Variants in TP63 observed in about 807,000 individuals in gnomAD.
TP63 encodes tumor protein 63.
TP63 carries 17 observed loss-of-function variants against 82.8 expected under a neutral mutation model. The observed-to-expected ratio is 0.21, with a 90% confidence interval of 0.14 to 0.31. The LOEUF is 0.31. TP63 is among the 10% of genes least tolerant of loss of function. The probability of loss-of-function intolerance (pLI) is 1.00; values close to 1 mark genes in which losing one functional copy is unlikely to be tolerated. For missense variants in TP63, 648 were observed against 895.3 expected (o/e 0.72, Z 3.52); for synonymous variants, 330 against 321.7 (o/e 1.03, Z -0.28).
In TP63 at chr3:189,808,388, G is replaced by T. The variant is rs768884299; in HGVS notation, c.441G>T (p.Ser147=). The change falls in exon 4 of 14, where the codon TCG becomes TCT. Residue 147 remains serine (S), a synonymous_variant. Coordinates refer to ENST00000264731, the MANE Select transcript of TP63 (RefSeq NM_003722.5). ...DHAQNSVTAP[S]PYAQPSSTFD... ...CGCAGAACAGCGTCACGGCGCCCTC[G>T]CCCTACGCACAGCCCAGCTCCACCT... is the stretch of plus-strand genomic sequence containing the variant. 2.5e-6 allele frequency: 4 copies of T among 1,614,116 alleles called. No individual in the cohort carries two copies. The highest frequency in any genetic ancestry group is 3.3e-5 in the Admixed American group (2 of 60,016).
At chr3:189,797,474 T>C (rs1329123260) in intron 3 of TP63, among the ~76,000 whole-genome samples, 2 of 152,070 alleles carry the variant, frequency 1.3e-5, no homozygotes, top group Non-Finnish European at 2.9e-5. Flanking sequence ...TTATTCTTTC[T>C]CAGATCACAG....
At chr3:189,750,915 C>T (rs749389148) in intron 3 of TP63, among the ~76,000 whole-genome samples, 2 of 152,062 alleles carry the variant, frequency 1.3e-5, no homozygotes, top group Non-Finnish European at 2.9e-5. Context: ...GTTTGCTGCA[C>T]CCATCAACTA....
chr3:189,669,975 G>A (rs888896972), intron 1 of TP63, among the ~76,000 whole-genome samples: 2 of 151,876 alleles, frequency 1.3e-5, no homozygotes, highest in Admixed American at 6.6e-5. Flanking sequence ...AGTAGAGTTT[G>A]TCCTATTGAA....
In TP63 at chr3:189,866,756, A is replaced by C; in HGVS notation, c.841A>C (p.Thr281Pro). ...TGCCCAGTATGTAGAAGATCCCATCACAGGAAGACAGAGTGTGCTGGTACC... is the reference window on the plus strand; with the variant it reads ...TGCCCAGTATGTAGAAGATCCCATCCCAGGAAGACAGAGTGTGCTGGTACC... ...SHAQYVEDPITGRQSVLVPYE... is the reference protein window; with the variant it reads ...SHAQYVEDPIPGRQSVLVPYE... Residue 281 changes from threonine to proline, a missense_variant, in exon 6 of 14, where the codon ACA becomes CCA. This residue lies in a region of TP63 where 30 missense variants were observed against 26.4 expected (regional missense o/e 1.14). Coordinates refer to ENST00000264731, the MANE Select transcript of TP63 (RefSeq NM_003722.5). 1.2e-6 allele frequency: 2 copies of C among 1,614,128 alleles called. No homozygotes were observed. Among genetic ancestry groups the C allele is most frequent in the Non-Finnish European group, 1.7e-6 (2 of 1,179,994 alleles).
At chr3:189,868,505 G>A in intron 7 of TP63, 75 bp from the exon 8 acceptor site, 1 of 1,588,194 alleles carries the variant, frequency 6.3e-7, no homozygotes. Context: ...ATGGGAAGTG[G>A]AAGTGGTAGA....
chr3:189,626,172 A>G, the TP63 span, among the ~76,000 whole-genome samples: 2 of 152,214 alleles, frequency 1.3e-5, no homozygotes, highest in African/African-American at 2.4e-5. Flanking sequence ...AATCGATGTC[A>G]GACTGTAGCA....
At chr3:189,667,593 A>T (rs1714515094) in intron 1 of TP63, among the ~76,000 whole-genome samples, 1 of 152,090 alleles carries the variant, frequency 6.6e-6, no homozygotes, top group South Asian at 2.1e-4. Context: ...GATAATCTTT[A>T]CAAGCTCAGG....
rs1239172239 is a variant in TP63, at chr3:189,877,278, A to C, written c.1349+4283A>C. ...GATGCCAGAATCTAATAGAAAGACA[A>C]ATCGGACCCTATCTTTAGACTTCTT... is the stretch of plus-strand genomic sequence containing the variant. On this transcript the variant is annotated intron_variant, in intron 10 of 13. Transcript: ENST00000264731. Among the ~76,000 whole-genome samples, 3 of 152,322 alleles carry C rather than the reference A, an allele frequency of 2.0e-5. No individual in the cohort carries two copies. The East Asian group carries it at 5.8e-4, about 29-fold the overall frequency.
the TP63 span, among the ~76,000 whole-genome samples, chr3:189,618,216 C>G: frequency 6.6e-6 from 1 of 152,196 alleles, no homozygotes; most frequent in Non-Finnish European, 1.5e-5. Context: ...AATTGCCACA[C>G]TATATATACT....
At chr3:189,810,710 G>A (rs1163167837) in intron 4 of TP63, among the ~76,000 whole-genome samples, 1 of 151,856 alleles carries the variant, frequency 6.6e-6, no homozygotes, top group Non-Finnish European at 1.5e-5. Context: ...ACAAAAATTA[G>A]CCAGACGTGG....
Position 189,840,715 on chromosome 3 carries a change from G to A in TP63, c.580-23517G>A, listed in dbSNP as rs549040724. On this transcript the variant is annotated intron_variant, in intron 4 of 13. Transcript: ENST00000264731. ...TCTACTAAAAATACAAAAATTAGCCGGGTGTAGTGGCAGGCACCTGTAATC... is the reference window on the plus strand; with the variant it reads ...TCTACTAAAAATACAAAAATTAGCCAGGTGTAGTGGCAGGCACCTGTAATC... 5.4e-3 allele frequency among the ~76,000 whole-genome samples: 819 copies of A among 151,798 alleles called. 6 individuals are homozygous for A. The highest frequency in any genetic ancestry group is 0.018 in the African/African-American group (764 of 41,386).
intron 4 of TP63, among the ~76,000 whole-genome samples, chr3:189,838,796 G>T (rs1422679849): frequency 1.3e-5 from 2 of 151,938 alleles, no homozygotes; most frequent in African/African-American, 2.4e-5. Flanking sequence ...TTCCTTTTTG[G>T]CAGTATCTTA....
intron 1 of TP63, among the ~76,000 whole-genome samples, chr3:189,651,966 C>T (rs370347729): frequency 6.8e-6 from 1 of 146,954 alleles, no homozygotes; most frequent in South Asian, 2.3e-4. Flanking sequence ...GGAACCTCCA[C>T]CTAGATTTAA....
intron 3 of TP63, among the ~76,000 whole-genome samples, chr3:189,768,141 G>A (rs1389644135): frequency 6.6e-6 from 1 of 152,108 alleles, no homozygotes; most frequent in Non-Finnish European, 1.5e-5. Context: ...TAGGGGTTTT[G>A]TTGCTGCTGT....
At chr3:189,884,432 C>A (rs1720230526) in intron 10 of TP63, among the ~76,000 whole-genome samples, 1 of 152,164 alleles carries the variant, frequency 6.6e-6, no homozygotes, top group African/African-American at 2.4e-5. Flanking sequence ...CCTAGTTCTG[C>A]CCTCAGTGCA....
the TP63 span, among the ~76,000 whole-genome samples, chr3:189,619,446 T>C: frequency 2.5e-3 from 375 of 152,302 alleles, 3 homozygotes; most frequent in African/African-American, 8.5e-3. Flanking sequence ...CAACCAGCCT[T>C]AGCTAAACAT....
chr3:189,741,961 G>C (rs1721016658), intron 3 of TP63, among the ~76,000 whole-genome samples: 2 of 151,844 alleles, frequency 1.3e-5, no homozygotes, highest in Non-Finnish European at 1.5e-5. Context: ...TATTACTTTA[G>C]GCCAGGTGCA....
intron 4 of TP63, chr3:189,829,834 C>T (rs547501993): frequency 4.7e-5 from 14 of 295,416 alleles, no homozygotes; most frequent in African/African-American, 3.0e-4. Context: ...AAATATTAGC[C>T]CTTTTAATTA....
At chr3:189,628,266 G>A (rs971243679), upstream of TP63, among the ~76,000 whole-genome samples, 2 of 152,156 alleles carry the variant, frequency 1.3e-5, no homozygotes, top group African/African-American at 4.8e-5. Context: ...ATGCGCAGAT[G>A]GAGTTTTAAA....
Sources: gnomAD v4.1 joint callset for allele counts (sites outside exome capture counted in the v4.1 genomes callset) on GRCh38, gnomAD v4.1.1 for gene constraint, gnomAD v4.1.1 regional missense constraint, MANE v1.5 for transcripts, NCBI Gene and HGNC (gene_info 2026-07-23, HGNC 2026-07-21) for gene names.